INTS4: variants seen among roughly 807,000 people sequenced by gnomAD.
INTS4 encodes the protein integrator complex subunit 4.
Under a neutral mutation model 119.5 loss-of-function variants are expected in INTS4, and 70 were observed. The observed-to-expected ratio is 0.59, with a 90% CI of 0.48 to 0.71. The LOEUF (loss-of-function observed/expected upper bound fraction) is 0.71. Ranked by LOEUF, INTS4 falls within the 30% of genes least tolerant of loss-of-function variation. The probability of loss-of-function intolerance (pLI) is 0.00; values close to 1 mark genes in which losing one functional copy is unlikely to be tolerated. For synonymous variants in INTS4, 316 were observed against 419.6 expected (o/e 0.75, Z 3.02); for missense variants, 867 against 1,173.2 (o/e 0.74, Z 3.81).
intron 10 of INTS4, among the ~76,000 whole-genome samples, chr11:77,938,287 C>A (rs1475465991): frequency 6.6e-6 from 1 of 152,180 alleles, no homozygotes; most frequent in Non-Finnish European, 1.5e-5. Flanking sequence ...TTATTAATAT[C>A]AATTTTAATT....
Position 77,891,417 on chromosome 11 carries a change from C to T in INTS4, c.2494G>A (p.Asp832Asn). 6.2e-7 allele frequency: 1 copy of T among 1,613,590 alleles called. No homozygotes were observed. The highest frequency in any genetic ancestry group is 8.5e-7 in the Non-Finnish European group (1 of 1,179,750). ...CCAGAGGTAAACCGCAAAGGGTTGT[C>T]TGACTCGCCCGCTGGCTCGATGATG... is the stretch of plus-strand genomic sequence containing the variant. Reference protein sequence around the residue: ...ATIIEPAGESDNPLRFTSGLV... With the variant: ...ATIIEPAGESNNPLRFTSGLV... The change falls in exon 21 of 23, where the codon GAC becomes AAC. Residue 832 changes from aspartate (D) to asparagine (N), a missense_variant. This residue lies in a region of INTS4 where 262 missense variants were observed against 376.0 expected (regional missense o/e 0.70). Transcript: ENST00000534064.
chr11:77,947,904 C>T (rs1351676538), intron 8 of INTS4, among the ~76,000 whole-genome samples: 1 of 152,180 alleles, frequency 6.6e-6, no homozygotes, highest in Non-Finnish European at 1.5e-5. Context: ...AGCATAGTGG[C>T]CTGATCACGG....
At chr11:77,976,360 T>G (rs2136631175) in intron 4 of INTS4, among the ~76,000 whole-genome samples, 2 of 152,180 alleles carry the variant, frequency 1.3e-5, no homozygotes, top group South Asian at 4.2e-4. Context: ...CCTTCGTCTT[T>G]TTTTCAAAAA....
At chr11:77,994,234 A>G (rs1856809224) in intron 1 of INTS4, among the ~76,000 whole-genome samples, 1 of 152,066 alleles carries the variant, frequency 6.6e-6, no homozygotes, top group African/African-American at 2.4e-5. Flanking sequence ...AACTGGCTGT[A>G]TCCTCGTACC....
chr11:77,930,407 C>T (rs1199776205), intron 10 of INTS4, among the ~76,000 whole-genome samples: 1 of 152,150 alleles, frequency 6.6e-6, no homozygotes, highest in East Asian at 1.9e-4. Flanking sequence ...ATAATTTAAA[C>T]ATGAAATTGC....
In INTS4 at chr11:77,930,148, G is replaced by GC. The variant is rs1208582354; in HGVS notation, c.1166-1602_1166-1601insG. 3.3e-5 allele frequency among the ~76,000 whole-genome samples: 5 copies of GC among 152,250 alleles called. No homozygotes were observed. The East Asian group carries it at 9.7e-4, about 29-fold the overall frequency. On this transcript the variant is annotated intron_variant, in intron 10 of 22. Transcript: ENST00000534064. Reference sequence around the variant, plus strand: ...GCTCATAAGACTTCTATACATGGTTGTTTTTTTCTAGTGATTCCCATATGC... The same window carrying GC: ...GCTCATAAGACTTCTATACATGGTTGCTTTTTTTCTAGTGATTCCCATATGC...
intron 8 of INTS4, among the ~76,000 whole-genome samples, chr11:77,946,082 G>A (rs770482388): frequency 1.1e-4 from 16 of 152,260 alleles, no homozygotes; most frequent in Non-Finnish European, 2.2e-4. Flanking sequence ...AAACCAGATA[G>A]ACAGCCTGGC....
chr11:77,958,625 T>A, intron 7 of INTS4, 121 bp downstream of exon 7: 4 of 648,536 alleles, frequency 6.2e-6, no homozygotes, highest in Non-Finnish European at 1.1e-5. Context: ...TTTTCCCTTA[T>A]TCCCCATTGC....
chr11:77,966,887 T>C (rs180967370), intron 4 of INTS4, among the ~76,000 whole-genome samples: 30 of 152,330 alleles, frequency 2.0e-4, no homozygotes, highest in South Asian at 1.0e-3. Context: ...CGTTTTAACA[T>C]ATTAATTCTT....
At chr11:77,959,613 T>C (rs1954414990) in intron 6 of INTS4, among the ~76,000 whole-genome samples, 1 of 152,068 alleles carries the variant, frequency 6.6e-6, no homozygotes, top group African/African-American at 2.4e-5. Flanking sequence ...AGTTTTCTTA[T>C]AGAAAAAGAA....
rs1954394645 is a variant in INTS4 at position 77,958,831 on chromosome 11, A to T, written c.712T>A (p.Cys238Ser). ...TCATAGTCATCAGAGAGTAATTTAC[A>T]GGCCTGCAAAGAAGAATTCCAAAAG... ...KLHQTIYNQA[C>S]KLLSDDYEQV... is the part of the protein sequence containing the mutation. Residue 238 changes from cysteine (C) to serine (S), a missense_variant, in exon 7 of 23, where the codon TGT becomes AGT. Cys to Ser is a moderately radical substitution (Grantham distance 112). Around this residue, in one of 5 missense-constraint regions of INTS4, gnomAD observed 208 missense variants for 306.6 expected, o/e 0.68. Transcript: ENST00000534064. 6.3e-7 allele frequency: 1 copy of T among 1,588,084 alleles called. No homozygotes were observed. Among genetic ancestry groups the T allele is most frequent in the Non-Finnish European group, 8.6e-7 (1 of 1,159,038 alleles).
intron 15 of INTS4, chr11:77,915,102 A>G (rs1215440237): frequency 2.8e-5 from 5 of 177,802 alleles, no homozygotes; most frequent in Non-Finnish European, 5.0e-5. Flanking sequence ...GGCTGATGCT[A>G]TCACTGCAAA....
chr11:77,932,090 G>C (rs1328662846), intron 10 of INTS4, among the ~76,000 whole-genome samples: 1 of 152,120 alleles, frequency 6.6e-6, no homozygotes, highest in Non-Finnish European at 1.5e-5. Context: ...CTGACAAATG[G>C]GATCTAATTA....
intron 19 of INTS4, among the ~76,000 whole-genome samples, chr11:77,892,933 G>A (rs573701231): frequency 2.3e-4 from 35 of 152,322 alleles, no homozygotes; most frequent in Admixed American, 3.3e-4. Flanking sequence ...TTGCTAGAGA[G>A]TATTACCTGC....
chr11:77,946,757 T>C (rs1359003051), intron 8 of INTS4, among the ~76,000 whole-genome samples: 71 of 136,836 alleles, frequency 5.2e-4, no homozygotes, highest in African/African-American at 2.0e-3. Context: ...CAAGACCCTG[T>C]CTCAAAAAAA....
At position 77,928,548 on chromosome 11, in the gene INTS4, C is replaced by T. The variant is rs1199766760; in HGVS notation, c.1166-1G>A. On this transcript the variant is annotated splice_acceptor_variant, in intron 10 of 22. Coordinates refer to ENST00000534064, the MANE Select transcript of INTS4 (RefSeq NM_033547.4). LOFTEE classifies it high-confidence loss of function. ...GCCTCCACAGCAGCAATACGAACCT[C>T]TAGAAAAAAGAACAAATGAAATTGC... 2 of 1,560,238 alleles carry T rather than the reference C, an allele frequency of 1.3e-6. No homozygotes were observed. Among genetic ancestry groups the T allele is most frequent in the African/African-American group, 2.7e-5 (2 of 73,142 alleles).
In INTS4 at chr11:77,898,442, G is replaced by C. The variant is rs562760841; in HGVS notation, c.2228+2979C>G. Among the ~76,000 whole-genome samples, 512 of 152,266 alleles carry C rather than the reference G, an allele frequency of 3.4e-3. 5 individuals are homozygous for C. The highest frequency in any genetic ancestry group is 6.8e-3 in the Middle Eastern group (2 of 294). On this transcript the variant is annotated intron_variant, in intron 18 of 22. Coordinates refer to ENST00000534064, the MANE Select transcript of INTS4 (RefSeq NM_033547.4). ...CTCCCAAAGTGATGGGATTACAGGC[G>C]TGAGCCACTGCGCCCGGCCAACTGG...
chr11:77,878,596 A>G (rs1037477767), downstream of INTS4: 3 of 559,676 alleles, frequency 5.4e-6, no homozygotes, highest in African/African-American at 3.8e-5. Flanking sequence ...AGCTCAAATA[A>G]CCAGTTATCA....
intron 15 of INTS4, among the ~76,000 whole-genome samples, chr11:77,912,381 C>A (rs1565239772): frequency 6.6e-6 from 1 of 151,368 alleles, no homozygotes; most frequent in Non-Finnish European, 1.5e-5. Flanking sequence ...AAAAAAACAG[C>A]TGGATACACT....
Sources: allele counts gnomAD v4.1 joint callset (sites outside exome capture counted in the v4.1 genomes callset), GRCh38; gene constraint gnomAD v4.1.1; regional missense constraint gnomAD v4.1.1; transcripts MANE v1.5; gene names NCBI Gene and HGNC (gene_info 2026-07-23, HGNC 2026-07-21).